The following PDE3B variants were observed in gnomAD, a reference collection of about 807,000 sequenced individuals.
PDE3B encodes phosphodiesterase 3B.
A neutral mutation model predicts 116.8 loss-of-function variants in PDE3B; 66 were observed. The ratio of observed to expected loss-of-function variants is 0.56; its 90% confidence interval spans 0.46 to 0.69. The LOEUF is 0.69. Ranked by LOEUF, PDE3B falls within the 30% of genes least tolerant of loss-of-function variation. The probability of loss-of-function intolerance (pLI) is 0.00; values close to 1 mark genes in which losing one functional copy is unlikely to be tolerated. For missense variants in PDE3B, 1,384 were observed against 1,368.1 expected (o/e 1.01, Z -0.18); for synonymous variants, 595 against 533.6 (o/e 1.12, Z -1.59).
downstream of PDE3B, among the ~76,000 whole-genome samples, chr11:14,876,352 TA>T (rs1848189098): frequency 6.6e-6 from 1 of 152,044 alleles, no homozygotes; most frequent in East Asian, 1.9e-4. Context: ...AAAAATAAAA[TA>T]AAATAATTAA....
intron 2 of PDE3B, among the ~76,000 whole-genome samples, chr11:14,778,442 G>A (rs959935652): frequency 3.3e-5 from 5 of 152,004 alleles, no homozygotes; most frequent in African/African-American, 7.2e-5. Flanking sequence ...CGCCTCATAC[G>A]GCCGGGCGCC....
intron 1 of PDE3B, among the ~76,000 whole-genome samples, chr11:14,715,928 G>A (rs1247342569): frequency 2.0e-5 from 3 of 152,026 alleles, no homozygotes; most frequent in Admixed American, 6.6e-5. Flanking sequence ...CAAGATGGCC[G>A]AATAGGAACA....
At chr11:14,788,984 C>G in intron 3 of PDE3B, 122 bp from the exon 4 acceptor site, 1 of 623,816 alleles carries the variant, frequency 1.6e-6, no homozygotes, top group South Asian at 3.6e-5. Context: ...TAAAATGTTT[C>G]TTTTTTCTCT....
In PDE3B at chr11:14,830,686, A is replaced by T. The variant is rs145753693; in HGVS notation, c.1808-12A>T. 0.02 allele frequency: 27,580 copies of T among 1,358,052 alleles called. 742 individuals are homozygous for T. Among genetic ancestry groups the T allele is most frequent in the Admixed American group, 0.15 (5,687 of 38,128 alleles). The allele number at this position is 1,358,052 out of a possible 1,614,324, so 84.1% of individuals were successfully genotyped here. A position where few individuals can be genotyped will look rare whatever the true frequency, so the allele number is the denominator to read the frequency against. ...TTTACTCCTATATATTACTATATAT[A>T]TTTTTTGAAAGGTGAAGAAGAAAAC... On this transcript the variant is annotated splice_polypyrimidine_tract_variant and intron_variant, in intron 7 of 15. Transcript: ENST00000282096.
At chr11:14,781,003 A>G (rs975403611) in intron 2 of PDE3B, among the ~76,000 whole-genome samples, 3 of 152,354 alleles carry the variant, frequency 2.0e-5, no homozygotes, top group African/African-American at 7.2e-5. Flanking sequence ...TCCTACAGAG[A>G]TACAAACTAC....
intron 1 of PDE3B, among the ~76,000 whole-genome samples, chr11:14,711,667 G>A (rs1449212334): frequency 1.3e-5 from 2 of 152,028 alleles, no homozygotes; most frequent in African/African-American, 4.8e-5. Flanking sequence ...TGAGGAACCC[G>A]CCCCCATGAC....
At chr11:14,877,883 C>T in the PDE3B span, 1 of 493,982 alleles carries the variant, frequency 2.0e-6, no homozygotes, top group South Asian at 3.0e-5. Flanking sequence ...TTAAGCAACA[C>T]CCATCATTTG....
the PDE3B span, chr11:14,891,615 A>T: frequency 7.5e-6 from 8 of 1,068,682 alleles, no homozygotes; most frequent in Non-Finnish European, 9.1e-6. Flanking sequence ...GCCGACTCGC[A>T]AGACGCCCGC....
At chr11:14,756,987 A>G (rs1243315368) in intron 1 of PDE3B, among the ~76,000 whole-genome samples, 3 of 126,146 alleles carry the variant, frequency 2.4e-5, no homozygotes, top group African/African-American at 9.3e-5. Context: ...AGAGTGTGAT[A>G]TTCCCCTTCC....
chr11:14,893,343 A>G, the PDE3B span, among the ~76,000 whole-genome samples: 5 of 152,364 alleles, frequency 3.3e-5, no homozygotes, highest in African/African-American at 1.2e-4. Context: ...AGGGCTGTCA[A>G]GGAAAGTCTT....
intron 1 of PDE3B, among the ~76,000 whole-genome samples, chr11:14,683,293 TC>T (rs1445013776): frequency 1.4e-4 from 21 of 151,894 alleles, no homozygotes; most frequent in East Asian, 9.7e-4. Context: ...CATCTGGGTC[TC>T]AATTTTTTTT....
At chr11:14,756,206 A>G (rs1002349301) in intron 1 of PDE3B, among the ~76,000 whole-genome samples, 1 of 152,200 alleles carries the variant, frequency 6.6e-6, no homozygotes, top group Non-Finnish European at 1.5e-5. Context: ...AATGATAAAA[A>G]AGAAATATGA....
chr11:14,813,777 G>A (rs1383012415), intron 5 of PDE3B, among the ~76,000 whole-genome samples: 1 of 152,080 alleles, frequency 6.6e-6, no homozygotes, highest in East Asian at 1.9e-4. Flanking sequence ...TATGAGGCCA[G>A]CATAACCCTA....
chr11:14,796,416 T>G (rs1858555215), intron 4 of PDE3B, among the ~76,000 whole-genome samples: 2 of 152,220 alleles, frequency 1.3e-5, no homozygotes, highest in Admixed American at 1.3e-4. Context: ...AAATGGTATT[T>G]CTTGTCCTAG....
chr11:14,863,205 A>G (rs562579985), intron 14 of PDE3B, among the ~76,000 whole-genome samples: 4 of 152,358 alleles, frequency 2.6e-5, no homozygotes, highest in African/African-American at 7.2e-5. Context: ...TGCAAAGGAC[A>G]TGAACTCATC....
intron 3 of PDE3B, among the ~76,000 whole-genome samples, chr11:14,787,210 TTAAAA>T (rs1277383184): frequency 2.6e-5 from 4 of 152,010 alleles, no homozygotes; most frequent in African/African-American, 9.7e-5. Flanking sequence ...TAATTTCTCT[TTAAAA>T]TATAAATATT....
chr11:14,845,215 AC>A (rs1426214087), intron 12 of PDE3B, among the ~76,000 whole-genome samples: 2 of 152,034 alleles, frequency 1.3e-5, no homozygotes, highest in Admixed American at 6.6e-5. Context: ...CGCTGCTGGT[AC>A]CCAGGCAAAC....
At chr11:14,822,623 T>C (rs1395530246) in intron 7 of PDE3B, among the ~76,000 whole-genome samples, 1 of 152,198 alleles carries the variant, frequency 6.6e-6, no homozygotes, top group African/African-American at 2.4e-5. Context: ...CACCAGGGCT[T>C]GCAGTCTGAT....
At chr11:14,843,157 C>T (rs1191985969) in intron 11 of PDE3B, among the ~76,000 whole-genome samples, 1 of 152,176 alleles carries the variant, frequency 6.6e-6, no homozygotes, top group African/African-American at 2.4e-5. Flanking sequence ...GATATTAAGA[C>T]ACCAGAAGCA....
Sources: allele counts gnomAD v4.1 joint callset (sites outside exome capture counted in the v4.1 genomes callset), GRCh38; gene constraint gnomAD v4.1.1; transcripts MANE v1.5; gene names NCBI Gene and HGNC (gene_info 2026-07-23, HGNC 2026-07-21).